PHACTR3: variants seen among roughly 807,000 people sequenced by gnomAD.
PHACTR3 encodes the protein phosphatase and actin regulator 3, also known as protein phosphatase 1, regulatory subunit 123.
PHACTR3 carries 16 observed loss-of-function variants against 66.8 expected under a neutral mutation model. That is an observed-to-expected ratio of 0.24 (90% CI 0.16 to 0.36). The LOEUF is 0.36. Among genes scored for constraint, PHACTR3 ranks in the 10% least tolerant of loss-of-function variants. The pLI is 1.00. For synonymous variants in PHACTR3, 323 were observed against 292.1 expected, an observed-to-expected ratio of 1.11 and a Z score of -1.08; for missense variants, 647 against 719.9, an observed-to-expected ratio of 0.90 and a Z score of 1.16.
At chr20:59,815,556 C>G (rs2041864534) in intron 8 of PHACTR3, among the ~76,000 whole-genome samples, 1 of 151,502 alleles carries the variant, frequency 6.6e-6, no homozygotes, top group Admixed American at 6.6e-5. Flanking sequence ...TCCCAATTAG[C>G]TGGGATTACA....
chr20:59,628,881 A>T, intron 1 of PHACTR3: 2 of 919,392 alleles, frequency 2.2e-6, no homozygotes, highest in Non-Finnish European at 2.6e-6. Flanking sequence ...TTTTTGAAAT[A>T]ATTTTAGACT....
chr20:59,705,204 C>T (rs1029370919), intron 1 of PHACTR3, among the ~76,000 whole-genome samples: 3 of 152,256 alleles, frequency 2.0e-5, no homozygotes, highest in Admixed American at 6.5e-5. Flanking sequence ...GTGATCCGCC[C>T]GCCTCAGCCT....
intron 8 of PHACTR3, among the ~76,000 whole-genome samples, chr20:59,818,785 T>C (rs973857608): frequency 5.9e-5 from 9 of 152,260 alleles, no homozygotes; most frequent in African/African-American, 2.2e-4. Context: ...CATCTTTTCA[T>C]TGTCATCATT....
intron 8 of PHACTR3, among the ~76,000 whole-genome samples, chr20:59,831,795 G>A (rs568094182): frequency 6.6e-6 from 1 of 152,356 alleles, no homozygotes; most frequent in South Asian, 2.1e-4. Flanking sequence ...TAGTGAGGGA[G>A]AGGAACCGGC....
At chr20:59,737,338 C>G (rs572055632) in intron 1 of PHACTR3, among the ~76,000 whole-genome samples, 172 of 152,304 alleles carry the variant, frequency 1.1e-3, no homozygotes, top group African/African-American at 3.7e-3. Flanking sequence ...TCTATGTCCC[C>G]CTGGCACGTG....
intron 12 of PHACTR3, among the ~76,000 whole-genome samples, chr20:59,846,676 A>AT (rs1568882961): frequency 1.1e-4 from 16 of 152,152 alleles, no homozygotes; most frequent in African/African-American, 3.4e-4. Context: ...AAAGACCCTA[A>AT]AATTATTTCA....
chr20:59,743,075 A>T, intron 1 of PHACTR3, 32 bp from the exon 2 acceptor site: 1 of 1,599,516 alleles, frequency 6.3e-7, no homozygotes, highest in East Asian at 2.2e-5. Context: ...TTTGGTGGCC[A>T]CTTGAGGACC....
At chr20:59,643,980 C>T (rs1455557587) in intron 1 of PHACTR3, among the ~76,000 whole-genome samples, 1 of 152,164 alleles carries the variant, frequency 6.6e-6, no homozygotes, top group African/African-American at 2.4e-5. Flanking sequence ...GAGCAGAGGG[C>T]TCAGGGCTTA....
intron 1 of PHACTR3, among the ~76,000 whole-genome samples, chr20:59,740,695 G>A (rs2039122167): frequency 6.6e-6 from 1 of 152,004 alleles, no homozygotes; most frequent in African/African-American, 2.4e-5. Flanking sequence ...TGTGGAAACC[G>A]AGGCTCCAAG....
chr20:59,723,062 CTTTCTTTCTTTCTTTCT>C (rs1254793946), intron 1 of PHACTR3, among the ~76,000 whole-genome samples: 2 of 45,148 alleles, frequency 4.4e-5, no homozygotes, highest in African/African-American at 1.7e-4. Context: ...CTTTCTTTCT[CTTTCTTTCTTTCTTTCT>C]TTCTTTCTTT....
chr20:59,594,804 T>C (rs555491742), intron 1 of PHACTR3, among the ~76,000 whole-genome samples: 2 of 152,318 alleles, frequency 1.3e-5, no homozygotes, highest in South Asian at 4.1e-4. Context: ...ATGCTCTAAT[T>C]TTTTATTAAT....
intron 1 of PHACTR3, among the ~76,000 whole-genome samples, chr20:59,728,488 G>C (rs1361471994): frequency 6.6e-6 from 1 of 152,134 alleles, no homozygotes; most frequent in Non-Finnish European, 1.5e-5. Flanking sequence ...GTTCACAATA[G>C]CCAGTATGTG....
At chr20:59,805,747 T>G (rs576625725) in intron 7 of PHACTR3, among the ~76,000 whole-genome samples, 2 of 152,112 alleles carry the variant, frequency 1.3e-5, no homozygotes, top group South Asian at 2.1e-4. Flanking sequence ...AAAATGTAGG[T>G]GCTATTAGTA....
At chr20:59,836,463 A>G in intron 8 of PHACTR3, 42 bp from the exon 9 acceptor site, 1 of 1,590,608 alleles carries the variant, frequency 6.3e-7, no homozygotes, top group East Asian at 2.3e-5. Flanking sequence ...ATTTGCAGGC[A>G]GCCACTATGG....
intron 7 of PHACTR3, among the ~76,000 whole-genome samples, chr20:59,783,432 G>A (rs6100586): frequency 0.064 from 5,832 of 91,390 alleles, 240 homozygotes; most frequent in East Asian, 0.24. Context: ...CCCCCGCCCC[G>A]CCCCACCCCG....
chr20:59,580,280 CTT>C (rs2032821785), intron 1 of PHACTR3, among the ~76,000 whole-genome samples: 1 of 152,178 alleles, frequency 6.6e-6, no homozygotes, highest in Admixed American at 6.5e-5. Flanking sequence ...GCCCACAACT[CTT>C]TGGGCACTGT....
At chr20:59,727,698 T>G (rs1358941083) in intron 1 of PHACTR3, among the ~76,000 whole-genome samples, 1 of 152,188 alleles carries the variant, frequency 6.6e-6, no homozygotes, top group Non-Finnish European at 1.5e-5. Flanking sequence ...AATTCAAACA[T>G]TTTAAGTCTG....
chr20:59,837,634 A>G (rs2058989841), intron 9 of PHACTR3, among the ~76,000 whole-genome samples: 1 of 152,244 alleles, frequency 6.6e-6, no homozygotes, highest in African/African-American at 2.4e-5. Context: ...CTCTTCATTG[A>G]TAACATGCTT....
chr20:59,617,713 T>G (rs1015380510), intron 1 of PHACTR3, among the ~76,000 whole-genome samples: 2 of 152,206 alleles, frequency 1.3e-5, no homozygotes, highest in African/African-American at 4.8e-5. Context: ...ATTAAGCGGC[T>G]TCTGTCCACA....
Sources: gnomAD v4.1 joint callset for allele counts (sites outside exome capture counted in the v4.1 genomes callset) on GRCh38, gnomAD v4.1.1 for gene constraint, MANE v1.5 for transcripts, NCBI Gene and HGNC (gene_info 2026-07-23, HGNC 2026-07-21) for gene names.